Variants in SPRED1 observed in about 807,000 individuals in gnomAD.
SPRED1 encodes the protein sprouty-related, EVH1 domain-containing protein 1.
SPRED1 carries 18 observed loss-of-function variants against 52.3 expected under a neutral mutation model. The observed-to-expected ratio is 0.34, with a 90% CI of 0.24 to 0.51. SPRED1 has a LOEUF of 0.51. SPRED1 is among the 20% of genes least tolerant of loss of function. The pLI is 0.97. For synonymous variants in SPRED1, 155 were observed against 179.7 expected (o/e 0.86, Z 1.10); for missense variants, 485 against 551.0 (o/e 0.88, Z 1.20).
chr15:38,303,106 C>T (rs996799617), intron 2 of SPRED1, among the ~76,000 whole-genome samples: 1 of 152,104 alleles, frequency 6.6e-6, no homozygotes, highest in Non-Finnish European at 1.5e-5. Flanking sequence ...ATCGCTTGAA[C>T]CCGGGAGGCG....
chr15:38,321,776 G>C (rs1394504900), intron 2 of SPRED1, among the ~76,000 whole-genome samples: 1 of 152,024 alleles, frequency 6.6e-6, no homozygotes, highest in East Asian at 1.9e-4. Context: ...TATATTTTTA[G>C]TAGAGATGGG....
At chr15:38,302,839 GGATGGAAT>G (rs1895174342) in intron 2 of SPRED1, among the ~76,000 whole-genome samples, 1 of 152,088 alleles carries the variant, frequency 6.6e-6, no homozygotes, top group South Asian at 2.1e-4. Flanking sequence ...AGACACTTGG[GGATGGAAT>G]GATCGTTGTT....
chr15:38,315,170 T>G (rs1233263132), intron 2 of SPRED1, among the ~76,000 whole-genome samples: 2 of 152,056 alleles, frequency 1.3e-5, no homozygotes, highest in African/African-American at 4.8e-5. Flanking sequence ...TATCAAGTAA[T>G]TTAATCTGAA....
intron 1 of SPRED1, among the ~76,000 whole-genome samples, chr15:38,291,464 C>T (rs1894922514): frequency 6.6e-6 from 1 of 152,236 alleles, no homozygotes. Flanking sequence ...GACTCTGTGT[C>T]GGGGCTCTGA....
At chr15:38,308,154 G>T (rs974018836) in intron 2 of SPRED1, among the ~76,000 whole-genome samples, 2 of 152,128 alleles carry the variant, frequency 1.3e-5, no homozygotes, top group Admixed American at 6.5e-5. Context: ...TAATTTTTAT[G>T]AAATCTGATT....
chr15:38,317,118 T>TA (rs1895505304), intron 2 of SPRED1, among the ~76,000 whole-genome samples: 1 of 151,958 alleles, frequency 6.6e-6, no homozygotes, highest in South Asian at 2.1e-4. Flanking sequence ...CCTTCATTAA[T>TA]ACGATGGGGA....
chr15:38,319,273 G>A (rs193300210), intron 2 of SPRED1, among the ~76,000 whole-genome samples: 74 of 152,220 alleles, frequency 4.9e-4, no homozygotes, highest in African/African-American at 1.7e-3. Flanking sequence ...GAACTTAATC[G>A]TGAATTGTTG....
chr15:38,278,394 G>A (rs904975754), intron 1 of SPRED1, among the ~76,000 whole-genome samples: 1 of 152,146 alleles, frequency 6.6e-6, no homozygotes, highest in Non-Finnish European at 1.5e-5. Flanking sequence ...TAGGTGGGAG[G>A]ATTGCTTGAT....
At chr15:38,254,349 C>T (rs953861989) in intron 1 of SPRED1, among the ~76,000 whole-genome samples, 3 of 152,082 alleles carry the variant, frequency 2.0e-5, no homozygotes, top group African/African-American at 7.2e-5. Flanking sequence ...ACATTTCCTC[C>T]TCCCTTACTC....
intron 2 of SPRED1, among the ~76,000 whole-genome samples, chr15:38,302,094 T>C (rs771027952): frequency 3.0e-4 from 46 of 152,148 alleles, no homozygotes; most frequent in Non-Finnish European, 4.6e-4. Context: ...CTTAGATGAA[T>C]TCTAGAAGTG....
intron 4 of SPRED1, among the ~76,000 whole-genome samples, chr15:38,336,845 T>G (rs1566871934): frequency 6.6e-6 from 1 of 152,108 alleles, no homozygotes; most frequent in Non-Finnish European, 1.5e-5. Flanking sequence ...GTACACTGTT[T>G]GGGTGATGGG....
intron 1 of SPRED1, among the ~76,000 whole-genome samples, chr15:38,296,169 A>G (rs1411537419): frequency 2.0e-5 from 3 of 152,018 alleles, no homozygotes; most frequent in African/African-American, 7.2e-5. Context: ...CTTGTCTAGC[A>G]GTTGGGTGGG....
intron 1 of SPRED1, among the ~76,000 whole-genome samples, chr15:38,293,148 G>C (rs1347138257): frequency 8.9e-6 from 1 of 112,924 alleles, no homozygotes; most frequent in Non-Finnish European, 1.6e-5. Context: ...TCACCAAGCT[G>C]GAGTGCAGTG....
chr15:38,294,786 G>T (rs1894999217), intron 1 of SPRED1, among the ~76,000 whole-genome samples: 2 of 152,162 alleles, frequency 1.3e-5, no homozygotes, highest in South Asian at 4.1e-4. Flanking sequence ...TGTTTGTATA[G>T]CAGTGGTTCC....
chr15:38,350,931 A>G (rs1014436638), intron 6 of SPRED1, 83 bp from the exon 7 acceptor site: 18 of 1,305,636 alleles, frequency 1.4e-5, no homozygotes, highest in South Asian at 3.8e-5. Context: ...TTCAACAAAT[A>G]TCTGGACACT....
intron 1 of SPRED1, among the ~76,000 whole-genome samples, chr15:38,255,800 T>TG (rs1894082631): frequency 6.9e-6 from 1 of 143,910 alleles, no homozygotes; most frequent in Non-Finnish European, 1.6e-5. Context: ...TTCCCTTTTC[T>TG]CTTTTTTAAA....
intron 2 of SPRED1, among the ~76,000 whole-genome samples, chr15:38,321,022 A>G (rs1018027880): frequency 2.6e-5 from 4 of 152,200 alleles, no homozygotes; most frequent in South Asian, 4.1e-4. Context: ...AACATGGTCT[A>G]TAGATTAAAG....
chr15:38,313,612 C>CATTAT (rs978813440), intron 2 of SPRED1, among the ~76,000 whole-genome samples: 2 of 151,174 alleles, frequency 1.3e-5, no homozygotes, highest in Non-Finnish European at 1.5e-5. Flanking sequence ...TTATCCGTTA[C>CATTAT]ATTATATTAT....
At chr15:38,297,591 T>C (rs571960001) in intron 1 of SPRED1, among the ~76,000 whole-genome samples, 1 of 152,298 alleles carries the variant, frequency 6.6e-6, no homozygotes, top group South Asian at 2.1e-4. Context: ...AAGAGTAAAT[T>C]ATGAAGCCAA....
Sources: gnomAD v4.1 joint callset for allele counts (sites outside exome capture counted in the v4.1 genomes callset) on GRCh38, gnomAD v4.1.1 for gene constraint, MANE v1.5 for transcripts, NCBI Gene and HGNC (gene_info 2026-07-23, HGNC 2026-07-21) for gene names.